KBTBD12: variants seen among roughly 807,000 people sequenced by gnomAD.
KBTBD12 encodes kelch repeat and BTB domain-containing protein 12.
In KBTBD12, 53 loss-of-function variants were observed where a neutral mutation model predicts 58.7. The ratio of observed to expected loss-of-function variants is 0.90; its 90% CI spans 0.72 to 1.14. The LOEUF (loss-of-function observed/expected upper bound fraction) is 1.14, where lower values mean the gene tolerates loss of function less well. Among genes scored for constraint, KBTBD12 ranks in the 50% most tolerant of loss-of-function variants. The pLI, the probability that KBTBD12 is intolerant of heterozygous loss-of-function variation, is 0.00. For synonymous variants in KBTBD12, 236 were observed against 259.8 expected (o/e 0.91, Z 0.88); for missense variants, 704 against 751.3 (o/e 0.94, Z 0.74).
intron 2 of KBTBD12, among the ~76,000 whole-genome samples, chr3:127,925,140 T>C (rs553662509): frequency 6.6e-6 from 1 of 152,326 alleles, no homozygotes; most frequent in East Asian, 1.9e-4. Context: ...CCTGTCCCTT[T>C]TCCACATTCA....
chr3:127,940,328 C>G (rs1463303412), intron 4 of KBTBD12, among the ~76,000 whole-genome samples: 2 of 151,978 alleles, frequency 1.3e-5, no homozygotes, highest in African/African-American at 4.8e-5. Flanking sequence ...CCAAGATAGA[C>G]CATATCCTGA....
chr3:127,930,079 TC>T, intron 3 of KBTBD12, 53 bp from the exon 4 acceptor site: 2 of 1,479,078 alleles, frequency 1.4e-6, no homozygotes, highest in South Asian at 2.4e-5. Context: ...ATTCATGTAC[TC>T]ACAAAGATTG....
intron 4 of KBTBD12, among the ~76,000 whole-genome samples, chr3:127,944,110 G>A (rs1037666762): frequency 4.6e-5 from 7 of 152,068 alleles, no homozygotes; most frequent in Middle Eastern, 3.2e-3. Flanking sequence ...CTTGAAATCC[G>A]GAAGTTGGTG....
intron 5 of KBTBD12, among the ~76,000 whole-genome samples, chr3:127,982,401 G>A (rs1257631949): frequency 3.9e-5 from 6 of 152,066 alleles, no homozygotes; most frequent in African/African-American, 1.4e-4. Flanking sequence ...CCGGGAGACA[G>A]TGTGCCTCTG....
chr3:127,926,838 C>T (rs1361093447), intron 2 of KBTBD12, among the ~76,000 whole-genome samples: 1 of 151,902 alleles, frequency 6.6e-6, no homozygotes, highest in African/African-American at 2.4e-5. Flanking sequence ...TTTTGAATTC[C>T]AGATATACTT....
intron 4 of KBTBD12, among the ~76,000 whole-genome samples, chr3:127,950,543 G>A (rs988535858): frequency 6.6e-6 from 1 of 152,064 alleles, no homozygotes; most frequent in Non-Finnish European, 1.5e-5. Context: ...ACTGTGATTT[G>A]ACTCAACTAA....
At chr3:127,973,001 A>G (rs1940711378) in intron 5 of KBTBD12, among the ~76,000 whole-genome samples, 1 of 152,244 alleles carries the variant, frequency 6.6e-6, no homozygotes, top group South Asian at 2.1e-4. Flanking sequence ...ATATTACCTG[A>G]TAAATCACAG....
chr3:127,930,079 T>G (rs1939667063), intron 3 of KBTBD12, 54 bp from the exon 4 acceptor site: 2 of 1,478,960 alleles, frequency 1.4e-6, no homozygotes, highest in African/African-American at 1.4e-5. Context: ...ATTCATGTAC[T>G]CACAAAGATT....
chr3:127,967,398 A>T (rs1019323290), intron 5 of KBTBD12, among the ~76,000 whole-genome samples: 1 of 152,224 alleles, frequency 6.6e-6, no homozygotes, highest in Non-Finnish European at 1.5e-5. Flanking sequence ...TAACAATATC[A>T]TAATAAACAT....
chr3:127,924,129 T>A lies in KBTBD12; in HGVS notation c.1068T>A (p.Tyr356Ter), dbSNP rs372711213. 6.3e-7 allele frequency: 1 copy of A among 1,589,772 alleles called. No homozygotes were observed. The highest frequency in any genetic ancestry group is 8.6e-7 in the Non-Finnish European group (1 of 1,164,354). ...SRQKNKNVEI[Y>*]RYHDRGNQFW... ...AAAAGAACAAGAATGTTGAAATTTA[T>A]AGGTTTGTATCTAGCAGCAAATTTG... Residue 356 changes from tyrosine (Y) to a stop codon, truncating the protein, a stop_gained and splice_region_variant, in exon 2 of 6, where the codon TAT becomes TAA. Coordinates refer to ENST00000405109, the MANE Select transcript of KBTBD12 (RefSeq NM_207335.4). LOFTEE classifies it high-confidence loss of function.
At chr3:127,949,985 G>A (rs906607033) in intron 4 of KBTBD12, among the ~76,000 whole-genome samples, 1 of 152,072 alleles carries the variant, frequency 6.6e-6, no homozygotes, top group South Asian at 2.1e-4. Flanking sequence ...TGGATGAAGG[G>A]TACATTCTTG....
At chr3:127,980,933 A>C (rs930269677) in intron 5 of KBTBD12, among the ~76,000 whole-genome samples, 3 of 151,702 alleles carry the variant, frequency 2.0e-5, no homozygotes, top group African/African-American at 7.3e-5. Flanking sequence ...TTAGATACCA[A>C]ATTAGAAACA....
intron 5 of KBTBD12, among the ~76,000 whole-genome samples, chr3:127,973,419 G>T (rs566170739): frequency 6.6e-6 from 1 of 152,312 alleles, no homozygotes; most frequent in South Asian, 2.1e-4. Flanking sequence ...TTGGTTGGAT[G>T]ATGGTTTGAA....
At chr3:127,951,914 T>A (rs546225526) in intron 4 of KBTBD12, among the ~76,000 whole-genome samples, 1 of 147,452 alleles carries the variant, frequency 6.8e-6, no homozygotes, top group African/African-American at 2.5e-5. Flanking sequence ...GTAGATAAGC[T>A]ACCTTGACTG....
At chr3:127,951,715 A>G (rs945600435) in intron 4 of KBTBD12, among the ~76,000 whole-genome samples, 12 of 152,144 alleles carry the variant, frequency 7.9e-5, no homozygotes, top group Admixed American at 5.9e-4. Context: ...CCCAATATTC[A>G]TCACCATTGT....
intron 2 of KBTBD12, 137 bp downstream of exon 2, chr3:127,924,268 T>C (rs1939511283): frequency 1.8e-6 from 1 of 555,604 alleles, no homozygotes; most frequent in Non-Finnish European, 3.2e-6. Context: ...TAAGGAATAG[T>C]ATACAGAACA....
intron 5 of KBTBD12, among the ~76,000 whole-genome samples, chr3:127,971,134 C>T (rs1160426569): frequency 1.3e-5 from 2 of 152,108 alleles, no homozygotes; most frequent in Non-Finnish European, 2.9e-5. Context: ...CAGAATTAGG[C>T]TTCCTGAGAC....
intron 5 of KBTBD12, among the ~76,000 whole-genome samples, chr3:127,983,864 C>T (rs1940918802): frequency 6.6e-6 from 1 of 152,134 alleles, no homozygotes; most frequent in East Asian, 1.9e-4. Flanking sequence ...GTTGAAACAG[C>T]CAAGGCTCCC....
intron 4 of KBTBD12, among the ~76,000 whole-genome samples, chr3:127,945,154 T>C (rs1435479852): frequency 1.4e-5 from 2 of 143,258 alleles, no homozygotes; most frequent in Non-Finnish European, 3.1e-5. Context: ...TTTTTAAAAA[T>C]AGTAGCTATC....
Sources: allele counts gnomAD v4.1 joint callset (sites outside exome capture counted in the v4.1 genomes callset), GRCh38; gene constraint gnomAD v4.1.1; transcripts MANE v1.5; gene names NCBI Gene and HGNC (gene_info 2026-07-23, HGNC 2026-07-21).